The following ANGPT1 variants were observed in gnomAD, a reference collection of about 807,000 sequenced individuals.
The protein encoded by ANGPT1 is angiopoietin-1.
Under a neutral mutation model 62.2 loss-of-function variants are expected in ANGPT1, and 17 were observed. That is an observed-to-expected ratio of 0.27 (90% CI 0.19 to 0.41). ANGPT1 has a LOEUF of 0.41. ANGPT1 is among the 10% of genes least tolerant of loss of function. The pLI, the probability that ANGPT1 is intolerant of heterozygous loss-of-function variation, is 1.00. For missense variants in ANGPT1, 478 were observed against 594.9 expected (o/e 0.80, Z 2.04); for synonymous variants, 199 against 198.9 (o/e 1.00, Z 0.00).
At chr8:107,334,803 G>C (rs1019656460) in intron 3 of ANGPT1, among the ~76,000 whole-genome samples, 1 of 152,120 alleles carries the variant, frequency 6.6e-6, no homozygotes, top group African/African-American at 2.4e-5. Flanking sequence ...GAAATTGCAG[G>C]AGAATAAATG....
intron 6 of ANGPT1, among the ~76,000 whole-genome samples, chr8:107,290,880 T>G (rs560871229): frequency 6.6e-6 from 1 of 152,306 alleles, no homozygotes; most frequent in East Asian, 1.9e-4. Flanking sequence ...GGTAAATACT[T>G]ACAAGACATG....
At chr8:107,396,459 A>T (rs1586287454) in intron 1 of ANGPT1, among the ~76,000 whole-genome samples, 1 of 151,740 alleles carries the variant, frequency 6.6e-6, no homozygotes, top group East Asian at 1.9e-4. Context: ...TTAAAATCAA[A>T]CATAACTAAA....
At chr8:107,328,464 GA>G (rs1333239680) in intron 3 of ANGPT1, among the ~76,000 whole-genome samples, 11 of 149,158 alleles carry the variant, frequency 7.4e-5, no homozygotes, top group Non-Finnish European at 1.6e-4. Flanking sequence ...CAGCAACTAA[GA>G]AAAAAAAAGA....
chr8:107,368,947 G>T (rs1343096143), intron 1 of ANGPT1, among the ~76,000 whole-genome samples: 1 of 142,268 alleles, frequency 7.0e-6, no homozygotes, highest in Non-Finnish European at 1.6e-5. Flanking sequence ...AATAAGTATT[G>T]TCTTCAACTT....
intron 8 of ANGPT1, among the ~76,000 whole-genome samples, chr8:107,258,445 A>C (rs1354184089): frequency 6.6e-6 from 1 of 152,202 alleles, no homozygotes; most frequent in East Asian, 1.9e-4. Flanking sequence ...GAGCTCAATA[A>C]GTTTTTAAAT....
At chr8:107,415,587 TA>T (rs1810718311) in intron 1 of ANGPT1, among the ~76,000 whole-genome samples, 1 of 152,196 alleles carries the variant, frequency 6.6e-6, no homozygotes, top group Non-Finnish European at 1.5e-5. Context: ...TGATGTAATT[TA>T]AGTCTGAAAA....
chr8:107,415,009 T>C (rs1810699512), intron 1 of ANGPT1, among the ~76,000 whole-genome samples: 1 of 152,192 alleles, frequency 6.6e-6, no homozygotes, highest in Non-Finnish European at 1.5e-5. Flanking sequence ...CACTTCTTGC[T>C]GGAATTTTAA....
chr8:107,257,876 G>GTTTTTTTTTTTTTTTTT lies in ANGPT1; in HGVS notation c.1337-5862_1337-5861insAAAAAAAAAAAAAAAAA, dbSNP rs1371396961. 7.4e-4 allele frequency among the ~76,000 whole-genome samples: 63 copies of GTTTTTTTTTTTTTTTTT among 85,248 alleles called. 9 individuals are homozygous for GTTTTTTTTTTTTTTTTT. Among genetic ancestry groups the GTTTTTTTTTTTTTTTTT allele is most frequent in the Non-Finnish European group, 1.1e-3 (46 of 43,124 alleles). The allele number at this position is 85,248 out of a possible 152,430, so 55.9% of individuals were successfully genotyped here. ...CTCTTCAGGCCAAGGACTTGTTTTT[G>GTTTTTTTTTTTTTTTTT]TTTCTTTTTTGTTTGTTTGTTTGTT... On this transcript the variant is annotated intron_variant, in intron 8 of 8. Transcript: ENST00000517746.
At chr8:107,374,658 G>A (rs1816490364) in intron 1 of ANGPT1, among the ~76,000 whole-genome samples, 1 of 152,186 alleles carries the variant, frequency 6.6e-6, no homozygotes, top group Admixed American at 6.5e-5. Context: ...TCTGTCTAAT[G>A]GTCTAAAAGC....
At chr8:107,367,717 C>A (rs1421773758) in intron 1 of ANGPT1, among the ~76,000 whole-genome samples, 1 of 152,172 alleles carries the variant, frequency 6.6e-6, no homozygotes, top group East Asian at 1.9e-4. Flanking sequence ...GTTGTCATTT[C>A]AACAATGTTC....
intron 1 of ANGPT1, among the ~76,000 whole-genome samples, chr8:107,368,237 G>C (rs987888740): frequency 1.3e-5 from 2 of 151,980 alleles, no homozygotes; most frequent in South Asian, 4.2e-4. Flanking sequence ...AGAGCTCCTG[G>C]GTCACCAGGT....
chr8:107,473,790 CCTTAGA>C (rs1162010143), intron 1 of ANGPT1, among the ~76,000 whole-genome samples: 4 of 151,966 alleles, frequency 2.6e-5, no homozygotes, highest in Non-Finnish European at 5.9e-5. Context: ...GGCTCATTAC[CCTTAGA>C]CTTAGTAAGT....
chr8:107,497,206 G>T, intron 1 of ANGPT1, 56 bp downstream of exon 1: 7 of 1,555,220 alleles, frequency 4.5e-6, no homozygotes, highest in Middle Eastern at 1.7e-4. Context: ...TAAGTTAGCT[G>T]CAGTGCAAGA....
intron 8 of ANGPT1, among the ~76,000 whole-genome samples, chr8:107,257,885 TTGTTTGTTTGTTTG>T (rs1465517721): frequency 2.0e-5 from 2 of 97,874 alleles, no homozygotes; most frequent in African/African-American, 7.5e-5. Context: ...TGTTTCTTTT[TTGTTTGTTTGTTTG>T]TTTGTTTGTT....
intron 2 of ANGPT1, among the ~76,000 whole-genome samples, chr8:107,346,027 A>G (rs1303622109): frequency 1.3e-5 from 2 of 152,218 alleles, no homozygotes; most frequent in Non-Finnish European, 2.9e-5. Context: ...AGATCTATCT[A>G]TCTGCTCTAA....
chr8:107,251,635 A>G lies in ANGPT1; in HGVS notation c.*220T>C, dbSNP rs1813249762. ...AGCCCGACAGTCAGTGGAGTTTTCT[A>G]TAGTCGAGCCACGTGAGCACTGTCA... On this transcript the variant is annotated 3_prime_UTR_variant, in exon 9 of 9. Transcript: ENST00000517746. 4.0e-6 allele frequency: 2 copies of G among 502,102 alleles called. No individual in the cohort carries two copies. The highest frequency in any genetic ancestry group is 6.7e-5 in the Admixed American group (2 of 30,000). 31.1% of individuals were successfully genotyped at this position (502,102 alleles called of 1,614,324 possible).
Position 107,445,191 on chromosome 8 carries a change from A to G in ANGPT1, c.297+52071T>C, listed in dbSNP as rs145108059. Among the ~76,000 whole-genome samples the G allele has an allele frequency of 3.4e-3, 511 of 152,258 alleles. 2 individuals carry two copies. Among genetic ancestry groups the G allele is most frequent in the Non-Finnish European group, 5.2e-3 (353 of 68,014 alleles). ...TTGGAGGCAAAGAGCTTCGGGAAAC[A>G]TTTTACTGTCTTGCCACTAGATTAT... On this transcript the variant is annotated intron_variant, in intron 1 of 8. Transcript: ENST00000517746.
At chr8:107,455,184 T>A (rs1811886816) in intron 1 of ANGPT1, among the ~76,000 whole-genome samples, 1 of 152,062 alleles carries the variant, frequency 6.6e-6, no homozygotes, top group African/African-American at 2.4e-5. Flanking sequence ...AATAAGTTCA[T>A]TCCTTAGCAG....
intron 1 of ANGPT1, among the ~76,000 whole-genome samples, chr8:107,492,205 C>T (rs1415051488): frequency 6.6e-6 from 1 of 152,122 alleles, no homozygotes; most frequent in Non-Finnish European, 1.5e-5. Flanking sequence ...TTCTACAACT[C>T]GATTTAAAAG....
Sources: allele counts gnomAD v4.1 joint callset (sites outside exome capture counted in the v4.1 genomes callset), GRCh38; gene constraint gnomAD v4.1.1; transcripts MANE v1.5; gene names NCBI Gene and HGNC (gene_info 2026-07-23, HGNC 2026-07-21).